TTYH3: variants seen among roughly 807,000 people sequenced by gnomAD.
TTYH3 encodes protein tweety homolog 3.
TTYH3 carries 23 observed loss-of-function variants against 68.2 expected under a neutral mutation model. That is an observed-to-expected ratio of 0.34 (90% CI 0.24 to 0.48). The LOEUF (loss-of-function observed/expected upper bound fraction) is 0.48, where lower values mean the gene tolerates loss of function less well. Ranked by LOEUF, TTYH3 falls within the 20% of genes least tolerant of loss-of-function variation. The pLI is 0.99. For missense variants in TTYH3, 768 were observed against 727.7 expected (o/e 1.06, Z -0.64); for synonymous variants, 360 against 332.8 (o/e 1.08, Z -0.89).
intron 1 of TTYH3, among the ~76,000 whole-genome samples, chr7:2,639,487 G>A (rs1366154792): frequency 6.6e-6 from 1 of 152,208 alleles, no homozygotes; most frequent in East Asian, 1.9e-4. Context: ...GGCCAGCACT[G>A]TGGGCACAGG....
At chr7:2,632,659 G>A (rs1443049512) in intron 1 of TTYH3, among the ~76,000 whole-genome samples, 1 of 152,222 alleles carries the variant, frequency 6.6e-6, no homozygotes, top group Non-Finnish European at 1.5e-5. Context: ...ATCACTGTTG[G>A]CGGCCTGGTG....
At chr7:2,655,777 G>A (rs972061532) in intron 9 of TTYH3, among the ~76,000 whole-genome samples, 1 of 152,216 alleles carries the variant, frequency 6.6e-6, no homozygotes, top group African/African-American at 2.4e-5. Flanking sequence ...CAGTAGACAC[G>A]TGGGGGTTCG....
rs944792924 is a variant in TTYH3 at position 2,664,764 on chromosome 7, G to C, written c.*3025G>C. On this transcript the variant is annotated 3_prime_UTR_variant, in exon 14 of 14. Transcript: ENST00000258796. Reference sequence around the variant, plus strand: ...ATGTAATTTCTGTGGTTTCTATTCAGCTTGGGTTTCATGTTTTAAAATAAA... The same window carrying C: ...ATGTAATTTCTGTGGTTTCTATTCACCTTGGGTTTCATGTTTTAAAATAAA... 2 of 152,142 alleles carry C rather than the reference G, an allele frequency of 1.3e-5. No homozygotes were observed. The highest frequency in any genetic ancestry group is 4.8e-5 in the African/African-American group (2 of 41,340). 9.4% of individuals were successfully genotyped at this position (152,142 alleles called of 1,614,324 possible). A position where few individuals can be genotyped will look rare whatever the true frequency, so the allele number is the denominator to read the frequency against.
intron 1 of TTYH3, among the ~76,000 whole-genome samples, chr7:2,641,525 C>T (rs185456681): frequency 2.8e-3 from 434 of 152,322 alleles, no homozygotes; most frequent in African/African-American, 1.0e-2. Context: ...CCGTGTGCTC[C>T]GCGGAACCCA....
Position 2,662,888 on chromosome 7 carries a change from ACAGG to A in TTYH3, c.*1153_*1156del, listed in dbSNP as rs1786531424. The A allele has an allele frequency of 6.6e-6, 1 of 152,374 alleles. No individual in the cohort carries two copies. Among genetic ancestry groups the A allele is most frequent in the Non-Finnish European group, 1.5e-5 (1 of 68,094 alleles). The allele number at this position is 152,374 out of a possible 1,614,324, so 9.4% of individuals were successfully genotyped here. A position where few individuals can be genotyped will look rare whatever the true frequency, so the allele number is the denominator to read the frequency against. On this transcript the variant is annotated 3_prime_UTR_variant, in exon 14 of 14. Coordinates refer to ENST00000258796, the MANE Select transcript of TTYH3 (RefSeq NM_025250.3). ...GTGCTCCAGGGGGTGCCACAGACCG[ACAGG>A]CAGCCCAAGGGCCTGGACACCCCTC...
Position 2,656,550 on chromosome 7 carries a change from G to T in TTYH3, c.1250+16G>T. 1 of 1,595,648 alleles carries T rather than the reference G, an allele frequency of 6.3e-7. No homozygotes were observed. The highest frequency in any genetic ancestry group is 8.5e-7 in the Non-Finnish European group (1 of 1,174,234). On this transcript the variant is annotated intron_variant, in intron 11 of 13. Transcript: ENST00000258796. Reference sequence around the variant, plus strand: ...AGCAAAAGAGGTGAGGGGCCCTGGGGGGTCGCAGGAGCTTGCCCCAGGCCA... The same window carrying T: ...AGCAAAAGAGGTGAGGGGCCCTGGGTGGTCGCAGGAGCTTGCCCCAGGCCA...
chr7:2,644,879 C>T (rs1342752907), intron 1 of TTYH3, among the ~76,000 whole-genome samples: 8 of 152,210 alleles, frequency 5.3e-5, no homozygotes, highest in Admixed American at 2.6e-4. Flanking sequence ...GCCTGGCAAC[C>T]GTCTCCTGGG....
chr7:2,637,679 A>T (rs1417243030), intron 1 of TTYH3, among the ~76,000 whole-genome samples: 2 of 152,114 alleles, frequency 1.3e-5, no homozygotes, highest in Non-Finnish European at 2.9e-5. Flanking sequence ...GAAGTGCCTG[A>T]CGTGGCCACC....
chr7:2,635,430 G>A (rs926215177), intron 1 of TTYH3, among the ~76,000 whole-genome samples: 5 of 152,192 alleles, frequency 3.3e-5, no homozygotes, highest in Non-Finnish European at 5.9e-5. Context: ...TTGTGACCCC[G>A]TGTCCTCAGG....
intron 8 of TTYH3, among the ~76,000 whole-genome samples, chr7:2,652,564 G>A (rs1171311896): frequency 6.6e-6 from 1 of 152,222 alleles, no homozygotes; most frequent in Non-Finnish European, 1.5e-5. Flanking sequence ...CCGTGTTCAG[G>A]CGTCCTGGTG....
chr7:2,652,763 C>G, intron 8 of TTYH3, 155 bp from the exon 9 acceptor site: 1 of 631,668 alleles, frequency 1.6e-6, no homozygotes, highest in Non-Finnish European at 2.8e-6. Flanking sequence ...CCGGGGGAAG[C>G]AAGGGCAGGG....
At chr7:2,634,476 G>A (rs1785606140) in intron 1 of TTYH3, among the ~76,000 whole-genome samples, 1 of 151,984 alleles carries the variant, frequency 6.6e-6, no homozygotes. Context: ...TCCTGACTGA[G>A]GGCTCCCTCT....
Position 2,641,220 on chromosome 7 carries a change from G to C in TTYH3, c.124-5633G>C, listed in dbSNP as rs138611420. Among the ~76,000 whole-genome samples the C allele has an allele frequency of 1.6e-3, 245 of 152,366 alleles. 1 individual carries two copies. The highest frequency in any genetic ancestry group is 5.7e-3 in the African/African-American group (237 of 41,592). Reference sequence around the variant, plus strand: ...TCCTATCGGTAGCAACCTGATCTGGGACAGAGTAAGGCTTCAGGCCCCGGC... The same window carrying C: ...TCCTATCGGTAGCAACCTGATCTGGCACAGAGTAAGGCTTCAGGCCCCGGC... On this transcript the variant is annotated intron_variant, in intron 1 of 13. Transcript: ENST00000258796.
chr7:2,645,069 G>A lies in TTYH3; in HGVS notation c.124-1784G>A, dbSNP rs554209026. On this transcript the variant is annotated intron_variant, in intron 1 of 13. Coordinates refer to ENST00000258796, the MANE Select transcript of TTYH3 (RefSeq NM_025250.3). The surrounding 1 kb of genome is among the most constrained non-coding windows in gnomAD (Gnocchi z 4.8). ...CTGCAGTAGTGCCAATGAGGGCAGC[G>A]CAGGTGTGCCTGGTGGCCACCCCAC... Among the ~76,000 whole-genome samples the A allele has an allele frequency of 3.4e-4, 52 of 152,302 alleles. No homozygotes were observed. The highest frequency in any genetic ancestry group is 3.3e-3 in the Admixed American group (51 of 15,300).
intron 5 of TTYH3, 135 bp from the exon 6 acceptor site, chr7:2,649,432 C>G (rs1786098028): frequency 2.4e-6 from 2 of 848,154 alleles, no homozygotes; most frequent in East Asian, 5.3e-5. Flanking sequence ...TGAGGCCAGG[C>G]CACAGGAAGA....
At position 2,647,266 on chromosome 7, in the gene TTYH3, G is replaced by A. The variant is rs372047374; in HGVS notation, c.405+13G>A. On this transcript the variant is annotated intron_variant, in intron 3 of 13. Transcript: ENST00000258796. ...GGTCCAGGACCGCGTGAGTGGCCGC[G>A]GAGTTGGGGCCAGGAGCACTCTTGC... 7 of 1,568,250 alleles carry A rather than the reference G, an allele frequency of 4.5e-6. No individual in the cohort carries two copies. Among genetic ancestry groups the A allele is most frequent in the Non-Finnish European group, 6.0e-6 (7 of 1,162,272 alleles).
chr7:2,646,779 C>T (rs1243755158), intron 1 of TTYH3, 74 bp from the exon 2 acceptor site: 2 of 1,464,016 alleles, frequency 1.4e-6, no homozygotes, highest in Non-Finnish European at 1.8e-6. Flanking sequence ...TGCGCCAGGT[C>T]CCCTGCTGGG....
At chr7:2,640,063 G>A (rs1052849530) in intron 1 of TTYH3, among the ~76,000 whole-genome samples, 1 of 152,214 alleles carries the variant, frequency 6.6e-6, no homozygotes, top group African/African-American at 2.4e-5. Flanking sequence ...GCCTAGCAGC[G>A]TGGCTCCAGG....
intron 8 of TTYH3, 23 bp downstream of exon 8, chr7:2,652,265 C>T (rs766831552): frequency 1.1e-5 from 18 of 1,608,156 alleles, no homozygotes; most frequent in African/African-American, 2.7e-5. Flanking sequence ...GAGGCCGGGA[C>T]TGGGCTTCAG....
Sources: allele counts gnomAD v4.1 joint callset (sites outside exome capture counted in the v4.1 genomes callset), GRCh38; gene constraint gnomAD v4.1.1; non-coding constraint Gnocchi (gnomAD v3.1); transcripts MANE v1.5; gene names NCBI Gene and HGNC (gene_info 2026-07-23, HGNC 2026-07-21).